The following ADGRL2 variants were observed in gnomAD, a reference collection of about 807,000 sequenced individuals.
ADGRL2 encodes the protein adhesion G protein-coupled receptor L2, also known as calcium-independent alpha-latrotoxin receptor 2.
In ADGRL2, 44 loss-of-function variants were observed where a neutral mutation model predicts 157.4. The observed-to-expected ratio is 0.28, with a 90% CI of 0.22 to 0.36. ADGRL2 has a LOEUF of 0.36. ADGRL2 is among the 10% of genes least tolerant of loss of function. The probability of loss-of-function intolerance (pLI) is 1.00; values close to 1 mark genes in which losing one functional copy is unlikely to be tolerated. For synonymous variants in ADGRL2, 585 were observed against 624.7 expected (o/e 0.94, Z 0.95); for missense variants, 1,510 against 1,768.9 (o/e 0.85, Z 2.63).
chr1:81,436,996 C>G (rs533498478), intron 1 of ADGRL2, among the ~76,000 whole-genome samples: 207 of 152,342 alleles, frequency 1.4e-3, no homozygotes, highest in African/African-American at 4.7e-3. Flanking sequence ...GGCAAGAATT[C>G]TCAACAAAAT....
chr1:81,419,775 A>G (rs1365055982), intron 1 of ADGRL2, among the ~76,000 whole-genome samples: 1 of 152,230 alleles, frequency 6.6e-6, no homozygotes, highest in Non-Finnish European at 1.5e-5. Context: ...CAAATGCTGT[A>G]GTGCAGGATA....
chr1:81,524,773 G>GCA (rs2079412824), intron 2 of ADGRL2, among the ~76,000 whole-genome samples: 1 of 152,054 alleles, frequency 6.6e-6, no homozygotes, highest in African/African-American at 2.4e-5. Flanking sequence ...ACTCAGGCCT[G>GCA]TAATCCTAGC....
At chr1:81,342,357 C>T (rs1442572251) in intron 1 of ADGRL2, among the ~76,000 whole-genome samples, 1 of 152,114 alleles carries the variant, frequency 6.6e-6, no homozygotes, top group Non-Finnish European at 1.5e-5. Flanking sequence ...ATTAAATCTC[C>T]ATTCCAATTG....
At chr1:81,607,128 G>A (rs892258986) in intron 3 of ADGRL2, among the ~76,000 whole-genome samples, 3 of 152,094 alleles carry the variant, frequency 2.0e-5, no homozygotes, top group Non-Finnish European at 4.4e-5. Flanking sequence ...TCAATCCCAA[G>A]AGTATATCTT....
At chr1:81,471,708 C>T (rs926819102) in intron 2 of ADGRL2, among the ~76,000 whole-genome samples, 2 of 152,088 alleles carry the variant, frequency 1.3e-5, no homozygotes, top group Non-Finnish European at 2.9e-5. Flanking sequence ...AATATAATTG[C>T]CCTGATTGAC....
chr1:81,660,438 ACCAGCAAC>A (rs1276682806), intron 3 of ADGRL2, among the ~76,000 whole-genome samples: 2 of 152,138 alleles, frequency 1.3e-5, no homozygotes, highest in Non-Finnish European at 2.9e-5. Flanking sequence ...AGCTAATAAA[ACCAGCAAC>A]CTTACCCTTA....
intron 11 of ADGRL2, among the ~76,000 whole-genome samples, chr1:81,959,734 T>C (rs1425365807): frequency 1.3e-5 from 2 of 152,144 alleles, no homozygotes; most frequent in Admixed American, 6.6e-5. Context: ...TTTTCATAAA[T>C]TTATTAATAC....
chr1:81,469,080 C>T (rs1231777527), intron 2 of ADGRL2, among the ~76,000 whole-genome samples: 2 of 152,190 alleles, frequency 1.3e-5, no homozygotes, highest in Non-Finnish European at 2.9e-5. Flanking sequence ...TTAAAGCATG[C>T]TCTGTCAGTG....
chr1:81,418,006 C>A (rs2077061489), intron 1 of ADGRL2, among the ~76,000 whole-genome samples: 2 of 152,140 alleles, frequency 1.3e-5, no homozygotes, highest in Non-Finnish European at 2.9e-5. Context: ...CTCATAATGA[C>A]AGGCAATTGT....
At chr1:81,373,457 T>G (rs1191924639) in intron 1 of ADGRL2, among the ~76,000 whole-genome samples, 1 of 152,122 alleles carries the variant, frequency 6.6e-6, no homozygotes, top group African/African-American at 2.4e-5. Flanking sequence ...TTATGAAAAC[T>G]GAGAATGAGA....
intron 2 of ADGRL2, among the ~76,000 whole-genome samples, chr1:81,793,779 T>C (rs2149428102): frequency 6.6e-6 from 1 of 152,258 alleles, no homozygotes; most frequent in Admixed American, 6.5e-5. Context: ...ATATATCAAG[T>C]TTAAAATCGT....
Position 81,966,583 on chromosome 1 carries a change from G to A in ADGRL2, c.2323G>A (p.Val775Met). ...CAGCCGAGTATACCTGACTGATCCTGTGCTTTTTACCCTGCCACACATTGA... is the reference window on the plus strand; with the variant it reads ...CAGCCGAGTATACCTGACTGATCCTATGCTTTTTACCCTGCCACACATTGA... ...ESSRVYLTDP[V>M]LFTLPHIDPD... The change falls in exon 13 of 24, where the codon GTG becomes ATG. Residue 775 changes from valine to methionine, a missense_variant. By Grantham distance (21) the Val-to-Met change is conservative. Around this residue, in one of 4 missense-constraint regions of ADGRL2, gnomAD observed 497 missense variants for 627.2 expected, o/e 0.79. Coordinates refer to ENST00000686636, the MANE Select transcript of ADGRL2 (RefSeq NM_001366006.2). 2 of 1,614,062 alleles carry A rather than the reference G, an allele frequency of 1.2e-6. No individual in the cohort carries two copies. Among genetic ancestry groups the A allele is most frequent in the Non-Finnish European group, 1.7e-6 (2 of 1,179,938 alleles).
chr1:81,371,490 C>T (rs2076159904), intron 1 of ADGRL2, among the ~76,000 whole-genome samples: 1 of 152,160 alleles, frequency 6.6e-6, no homozygotes, highest in African/African-American at 2.4e-5. Context: ...TTAATATTGA[C>T]ACTTGTAAAT....
chr1:81,856,987 G>T (rs2093225646), intron 2 of ADGRL2, among the ~76,000 whole-genome samples: 2 of 152,078 alleles, frequency 1.3e-5, no homozygotes, highest in African/African-American at 4.8e-5. Flanking sequence ...CTCTCATTTT[G>T]TACTTTTAAT....
chr1:81,436,165 AG>A (rs1392126750), intron 1 of ADGRL2, among the ~76,000 whole-genome samples: 1 of 152,234 alleles, frequency 6.6e-6, no homozygotes, highest in Non-Finnish European at 1.5e-5. Flanking sequence ...TATTGCTGTC[AG>A]GTAGACAGTA....
At chr1:81,721,863 A>C in intron 1 of ADGRL2, 1 of 797,752 alleles carries the variant, frequency 1.3e-6, no homozygotes, top group African/African-American at 1.7e-5. Flanking sequence ...AAGGGGAAAA[A>C]AAAAACCTGA....
At chr1:81,440,958 T>C (rs1321809060) in intron 1 of ADGRL2, among the ~76,000 whole-genome samples, 2 of 152,206 alleles carry the variant, frequency 1.3e-5, no homozygotes, top group Non-Finnish European at 2.9e-5. Flanking sequence ...CCTCACAGCT[T>C]TAGACTAAGC....
chr1:81,467,297 G>A (rs12081728), intron 2 of ADGRL2, among the ~76,000 whole-genome samples: 9,143 of 152,054 alleles, frequency 0.06, 312 homozygotes, highest in Admixed American at 0.095. Context: ...CAGGAATTAG[G>A]TACAAAAATA....
intron 2 of ADGRL2, among the ~76,000 whole-genome samples, chr1:81,889,460 T>A (rs1216709102): frequency 6.6e-6 from 1 of 152,194 alleles, no homozygotes; most frequent in African/African-American, 2.4e-5. Context: ...GCCCCAACTG[T>A]CTTCAATTCT....
Sources: allele counts gnomAD v4.1 joint callset (sites outside exome capture counted in the v4.1 genomes callset), GRCh38; gene constraint gnomAD v4.1.1; regional missense constraint gnomAD v4.1.1; transcripts MANE v1.5; gene names NCBI Gene and HGNC (gene_info 2026-07-23, HGNC 2026-07-21).